The following PACSIN2 variants were observed in gnomAD, a reference collection of about 807,000 sequenced individuals.
The protein encoded by PACSIN2 is protein kinase C and casein kinase substrate in neurons protein 2.
A neutral mutation model predicts 63.8 loss-of-function variants in PACSIN2; 25 were observed. The ratio of observed to expected loss-of-function variants is 0.39; its 90% CI spans 0.29 to 0.55. The LOEUF (loss-of-function observed/expected upper bound fraction) is 0.55, where lower values mean the gene tolerates loss of function less well. Among genes scored for constraint, PACSIN2 ranks in the 20% least tolerant of loss-of-function variants. The pLI is 0.62. For synonymous variants in PACSIN2, 255 were observed against 256.2 expected, an observed-to-expected ratio of 1.00 and a Z score of 0.05; for missense variants, 518 against 646.9, an observed-to-expected ratio of 0.80 and a Z score of 2.16.
chr22:42,871,562 T>G lies in PACSIN2; in HGVS notation c.1349-93A>C. On this transcript the variant is annotated intron_variant, in intron 10 of 10. Coordinates refer to ENST00000263246, the MANE Select transcript of PACSIN2 (RefSeq NM_001184970.3). This position sits in a 1 kb window ranked among gnomAD's most constrained non-coding sequence, Gnocchi z 5.4. Reference sequence around the variant, plus strand: ...TCACGAGCTTTGAGCCCACAGAGGGTGGAGGGCCAGGCATTCTGTGGCGGG... The same window carrying G: ...TCACGAGCTTTGAGCCCACAGAGGGGGGAGGGCCAGGCATTCTGTGGCGGG... 1 of 987,510 alleles carries G rather than the reference T, an allele frequency of 1.0e-6. No individual in the cohort carries two copies. Among genetic ancestry groups the G allele is most frequent in the Non-Finnish European group, 1.6e-6 (1 of 615,278 alleles). 61.2% of individuals were successfully genotyped at this position (987,510 alleles called of 1,614,324 possible).
At chr22:42,891,678 T>A (rs942127426) in intron 3 of PACSIN2, among the ~76,000 whole-genome samples, 4 of 152,186 alleles carry the variant, frequency 2.6e-5, no homozygotes, top group Non-Finnish European at 2.9e-5. Context: ...AGTGCAGGGA[T>A]TACAGGCGTG....
intron 1 of PACSIN2, among the ~76,000 whole-genome samples, chr22:42,983,972 T>A (rs937601943): frequency 6.8e-6 from 1 of 146,748 alleles, no homozygotes; most frequent in Non-Finnish European, 1.5e-5. Flanking sequence ...CACTTTTTTT[T>A]TTTTTTTTTT....
chr22:42,935,353 A>T (rs1314696041), intron 1 of PACSIN2, among the ~76,000 whole-genome samples: 1 of 151,236 alleles, frequency 6.6e-6, no homozygotes, highest in Non-Finnish European at 1.5e-5. Flanking sequence ...TCCTTTTCCC[A>T]TGGGGCGGGG....
chr22:42,914,646 G>T (rs4822225), intron 1 of PACSIN2, among the ~76,000 whole-genome samples: 98,348 of 152,050 alleles, frequency 0.65, 33,346 homozygotes, highest in African/African-American at 0.83. Context: ...TCAGGGAATA[G>T]CAGGGCTTTG....
chr22:42,908,429 C>T (rs1931232647), intron 2 of PACSIN2, among the ~76,000 whole-genome samples: 2 of 152,240 alleles, frequency 1.3e-5, no homozygotes, highest in South Asian at 4.1e-4. Context: ...CCAAGGCTCA[C>T]AGCCCAGGCC....
chr22:42,913,638 G>A (rs775592716), intron 1 of PACSIN2, among the ~76,000 whole-genome samples: 6 of 152,064 alleles, frequency 3.9e-5, no homozygotes, highest in East Asian at 1.9e-4. Context: ...TAAGTGCTAC[G>A]AACATAGTAA....
At chr22:42,904,187 G>A (rs1930899065) in intron 2 of PACSIN2, among the ~76,000 whole-genome samples, 1 of 152,206 alleles carries the variant, frequency 6.6e-6, no homozygotes, top group Admixed American at 6.5e-5. Flanking sequence ...CCTCAAGGCC[G>A]TCGGCCAGGC....
intron 1 of PACSIN2, among the ~76,000 whole-genome samples, chr22:42,994,001 A>C (rs989691349): frequency 1.3e-5 from 2 of 152,242 alleles, no homozygotes; most frequent in Non-Finnish European, 2.9e-5. Context: ...CCATAAGTCA[A>C]CATTAAAAAC....
At chr22:43,014,596 G>A (rs1382749180) in intron 1 of PACSIN2, among the ~76,000 whole-genome samples, 1 of 151,618 alleles carries the variant, frequency 6.6e-6, no homozygotes. Context: ...CTCCTAAATC[G>A]CGTCCCTCCA....
intron 1 of PACSIN2, among the ~76,000 whole-genome samples, chr22:42,954,938 G>A (rs1230211677): frequency 6.6e-6 from 1 of 152,008 alleles, no homozygotes; most frequent in Non-Finnish European, 1.5e-5. Context: ...ACATATAAAC[G>A]GCACTCCAGC....
At chr22:43,004,750 T>C (rs1923983546) in intron 1 of PACSIN2, among the ~76,000 whole-genome samples, 1 of 152,244 alleles carries the variant, frequency 6.6e-6, no homozygotes, top group African/African-American at 2.4e-5. Context: ...GAATACACAG[T>C]TGATCCTATC....
intron 5 of PACSIN2, among the ~76,000 whole-genome samples, chr22:42,886,456 GTAT>G (rs1407485634): frequency 6.0e-5 from 4 of 66,846 alleles, no homozygotes; most frequent in Non-Finnish European, 1.9e-4. Context: ...AGGTAGGTAT[GTAT>G]GTACCTACCT....
chr22:43,008,629 T>C (rs941000408), intron 1 of PACSIN2, among the ~76,000 whole-genome samples: 1 of 152,160 alleles, frequency 6.6e-6, no homozygotes, highest in Non-Finnish European at 1.5e-5. Flanking sequence ...AAAAAATTAG[T>C]CCATAAAATG....
intron 2 of PACSIN2, among the ~76,000 whole-genome samples, chr22:42,897,769 G>A (rs1400424057): frequency 6.6e-6 from 1 of 152,164 alleles, no homozygotes; most frequent in Non-Finnish European, 1.5e-5. Context: ...TATCCTGAAC[G>A]CAATATCCAA....
chr22:42,885,945 C>A (rs1929443703), intron 5 of PACSIN2, among the ~76,000 whole-genome samples: 1 of 152,224 alleles, frequency 6.6e-6, no homozygotes, highest in Non-Finnish European at 1.5e-5. Flanking sequence ...CACTACCTGG[C>A]AGCCCTGCAT....
At chr22:42,951,917 C>T (rs1008440995) in intron 1 of PACSIN2, among the ~76,000 whole-genome samples, 1 of 152,194 alleles carries the variant, frequency 6.6e-6, no homozygotes, top group Non-Finnish European at 1.5e-5. Flanking sequence ...GCACCAGACT[C>T]GGCTTACCTT....
In PACSIN2 at chr22:42,877,717, A is replaced by G. The variant is rs571445662; in HGVS notation, c.1029-707T>C. On this transcript the variant is annotated intron_variant, in intron 8 of 10. Coordinates refer to ENST00000263246, the MANE Select transcript of PACSIN2 (RefSeq NM_001184970.3). Reference sequence around the variant, plus strand: ...CTGGGAGCCGGGAGCTGAGTTACACACTACGAAGACCACAGGCAGACCATC... The same window carrying G: ...CTGGGAGCCGGGAGCTGAGTTACACGCTACGAAGACCACAGGCAGACCATC... 9.2e-5 allele frequency among the ~76,000 whole-genome samples: 14 copies of G among 152,298 alleles called. No individual in the cohort carries two copies. In the South Asian group the frequency reaches 2.7e-3, roughly 29 times the overall value.
chr22:42,879,020 C>G, intron 8 of PACSIN2, 28 bp downstream of exon 8: 2 of 1,606,542 alleles, frequency 1.2e-6, no homozygotes, highest in Non-Finnish European at 1.7e-6. Flanking sequence ...GGAACGGCCT[C>G]TTTTGGATGG....
chr22:42,995,126 G>A (rs1923311954), intron 1 of PACSIN2, among the ~76,000 whole-genome samples: 2 of 152,230 alleles, frequency 1.3e-5, no homozygotes, highest in Non-Finnish European at 1.5e-5. Flanking sequence ...AAGCAAGACT[G>A]GACACTGCAA....
Sources: allele counts gnomAD v4.1 joint callset (sites outside exome capture counted in the v4.1 genomes callset), GRCh38; gene constraint gnomAD v4.1.1; non-coding constraint Gnocchi (gnomAD v3.1); transcripts MANE v1.5; gene names NCBI Gene and HGNC (gene_info 2026-07-23, HGNC 2026-07-21).